The following PPARGC1B variants were observed in gnomAD, a reference collection of about 807,000 sequenced individuals.
The protein encoded by PPARGC1B is PPARG coactivator 1 beta.
In PPARGC1B, 34 loss-of-function variants were observed where a neutral mutation model predicts 101.6. That is an observed-to-expected ratio of 0.33 (90% confidence interval 0.25 to 0.45). PPARGC1B has a LOEUF of 0.45. Among genes scored for constraint, PPARGC1B ranks in the 20% least tolerant of loss-of-function variants. The probability of loss-of-function intolerance (pLI) is 1.00; values close to 1 mark genes in which losing one functional copy is unlikely to be tolerated. For missense variants in PPARGC1B, 1,234 were observed against 1,317.6 expected, an observed-to-expected ratio of 0.94 and a Z score of 0.98; for synonymous variants, 548 against 539.3, an observed-to-expected ratio of 1.02 and a Z score of -0.22.
Position 149,836,515 on chromosome 5 carries a change from G to C in PPARGC1B, c.2060G>C (p.Cys687Ser). The change falls in exon 8 of 12, where the codon TGT (cysteine) becomes TCT (serine). Residue 687 changes from cysteine (C) to serine (S), a missense_variant. This residue lies in a region of PPARGC1B where 497 missense variants were observed against 529.5 expected (regional missense o/e 0.94). Coordinates refer to ENST00000309241, the MANE Select transcript of PPARGC1B (RefSeq NM_133263.4). ...SQAGQKRPFS[C>S]SFGDHDYCQV... ...GCTGGCCAGAAGCGTCCCTTCTCCT[G>C]TTCCTTTGGAGACCATGACTACTGC... 6.2e-7 allele frequency: 1 copy of C among 1,614,070 alleles called. No individual in the cohort carries two copies. Among genetic ancestry groups the C allele is most frequent in the Non-Finnish European group, 8.5e-7 (1 of 1,180,048 alleles).
intron 1 of PPARGC1B, among the ~76,000 whole-genome samples, chr5:149,819,939 C>T (rs1168295815): frequency 1.3e-5 from 2 of 152,190 alleles, no homozygotes; most frequent in African/African-American, 4.8e-5. Flanking sequence ...TTAGACATTA[C>T]ATATATTCCT....
chr5:149,759,197 G>A (rs1349619413), intron 1 of PPARGC1B, among the ~76,000 whole-genome samples: 1 of 152,100 alleles, frequency 6.6e-6, no homozygotes, highest in African/African-American at 2.4e-5. Context: ...GTTTAAAGAA[G>A]GTTTTTTCCA....
At chr5:149,810,127 C>A (rs1459903081) in intron 1 of PPARGC1B, among the ~76,000 whole-genome samples, 1 of 152,216 alleles carries the variant, frequency 6.6e-6, no homozygotes, top group African/African-American at 2.4e-5. Flanking sequence ...AGCCTAACAA[C>A]ATGTACCTGT....
rs1218266661 is a variant in PPARGC1B at position 149,836,368 on chromosome 5, C to T, written c.1913C>T (p.Ser638Phe). The change falls in exon 8 of 12, where the codon TCC becomes TTC. Residue 638 changes from serine to phenylalanine, a missense_variant. Transcript: ENST00000309241. Reference protein sequence around the residue: ...LGKEIALSLPSPEGLSLKATP... With the variant: ...LGKEIALSLPFPEGLSLKATP... The stretch of plus-strand genomic sequence containing the variant: ...AAAGAAATAGCTCTCAGCCTCCCCT[C>T]CCCTGAGGGCCTCTCACTCAAGGCC... 6.8e-6 allele frequency: 11 copies of T among 1,614,140 alleles called. No individual in the cohort carries two copies. The highest frequency in any genetic ancestry group is 1.3e-5 in the African/African-American group (1 of 75,046).
chr5:149,766,359 G>A (rs971639861), intron 1 of PPARGC1B, among the ~76,000 whole-genome samples: 7 of 152,286 alleles, frequency 4.6e-5, no homozygotes, highest in African/African-American at 1.2e-4. Flanking sequence ...TAAAGGTATC[G>A]CTTATTAAGG....
In PPARGC1B at chr5:149,833,594, C is replaced by T; in HGVS notation, c.1521C>T (p.Pro507=). The part of the protein sequence containing the change: ...LVPSEPQGAL[P]SLCLAPKAYD... Reference sequence around the variant, plus strand: ...CCTCGGAGCCCCAAGGTGCTCTGCCCTCACTGTGCCTGGCTCCCAAGGCCT... The same window carrying T: ...CCTCGGAGCCCCAAGGTGCTCTGCCTTCACTGTGCCTGGCTCCCAAGGCCT... Residue 507 remains proline, a synonymous_variant, in exon 5 of 12, where the codon CCC becomes CCT. Coordinates refer to ENST00000309241, the MANE Select transcript of PPARGC1B (RefSeq NM_133263.4). This position sits in a 1 kb window ranked among gnomAD's most constrained non-coding sequence, Gnocchi z 4.1. The T allele has an allele frequency of 1.2e-6, 2 of 1,605,512 alleles. No individual in the cohort carries two copies. The highest frequency in any genetic ancestry group is 1.7e-6 in the Non-Finnish European group (2 of 1,176,334).
At chr5:149,771,178 A>C (rs1180613060) in intron 1 of PPARGC1B, among the ~76,000 whole-genome samples, 1 of 152,168 alleles carries the variant, frequency 6.6e-6, no homozygotes, top group Non-Finnish European at 1.5e-5. Flanking sequence ...CTGCACCTGC[A>C]TTTCTAAGTG....
In PPARGC1B at chr5:149,765,855, C is replaced by T. The variant is rs1314132462; in HGVS notation, c.78+35435C>T. 2.7e-4 allele frequency among the ~76,000 whole-genome samples: 28 copies of T among 103,670 alleles called. No individual in the cohort carries two copies. The East Asian group carries it at 5.4e-3, about 20-fold the overall frequency. The allele number at this position is 103,670 out of a possible 152,430, so 68.0% of individuals were successfully genotyped here. A position where few individuals can be genotyped will look rare whatever the true frequency, so the allele number is the denominator to read the frequency against. On this transcript the variant is annotated intron_variant, in intron 1 of 11. Transcript: ENST00000309241. ...CAGCCTGGGTGACAGAGTGAGACTCCGTCTCAAAAAAAAAAAAAAAAAAAA... is the reference window on the plus strand; with the variant it reads ...CAGCCTGGGTGACAGAGTGAGACTCTGTCTCAAAAAAAAAAAAAAAAAAAA...
intron 1 of PPARGC1B, among the ~76,000 whole-genome samples, chr5:149,736,599 A>G (rs531591064): frequency 1.3e-5 from 2 of 152,282 alleles, no homozygotes; most frequent in African/African-American, 4.8e-5. Context: ...GTTTGTAACT[A>G]GATTCCTGCA....
rs145669017 is a variant in PPARGC1B, at chr5:149,820,521, C to T, written c.167C>T (p.Thr56Ile). ...GATGCCAGCGACTTTGACTCGGCCA[C>T]CTGCTTTGGGGAGCTGCAGTGGTGC... Reference protein sequence around the residue: ...QLDASDFDSATCFGELQWCPE... With the variant: ...QLDASDFDSAICFGELQWCPE... Residue 56 changes from threonine (T) to isoleucine (I), a missense_variant, in exon 2 of 12, where the codon ACC becomes ATC. By Grantham distance (89) the Thr-to-Ile change is moderately conservative. This residue lies in a region of PPARGC1B where 734 missense variants were observed against 768.4 expected (regional missense o/e 0.96). Transcript: ENST00000309241. The T allele has an allele frequency of 3.7e-5, 59 of 1,613,976 alleles. No homozygotes were observed. The highest frequency in any genetic ancestry group is 1.6e-4 in the Middle Eastern group (1 of 6,084).
intron 1 of PPARGC1B, among the ~76,000 whole-genome samples, chr5:149,776,715 G>A (rs1159296856): frequency 6.6e-6 from 1 of 152,216 alleles, no homozygotes; most frequent in Non-Finnish European, 1.5e-5. Flanking sequence ...TGTAACGGAG[G>A]CACTGTGGCC....
At chr5:149,836,165 A>G in intron 7 of PPARGC1B, 98 bp from the exon 8 acceptor site, 4 of 1,019,618 alleles carry the variant, frequency 3.9e-6, no homozygotes, top group South Asian at 1.7e-5. Flanking sequence ...TTGGGATTAT[A>G]GGTGTGAGCT....
intron 7 of PPARGC1B, among the ~76,000 whole-genome samples, chr5:149,836,031 C>G (rs1759057561): frequency 6.8e-6 from 1 of 147,348 alleles, no homozygotes; most frequent in East Asian, 2.0e-4. Context: ...GATCTTGGCT[C>G]ACTGCACCAA....
intron 1 of PPARGC1B, among the ~76,000 whole-genome samples, chr5:149,767,504 G>A (rs115318540): frequency 6.6e-6 from 1 of 152,334 alleles, no homozygotes; most frequent in African/African-American, 2.4e-5. Context: ...TGGGGTCTCA[G>A]AGTAAGCAGA....
At chr5:149,755,237 T>G (rs186437306) in intron 1 of PPARGC1B, among the ~76,000 whole-genome samples, 184 of 151,374 alleles carry the variant, frequency 1.2e-3, no homozygotes, top group African/African-American at 3.3e-3. Context: ...TTAAAAAAGT[T>G]TTTTTTTAAG....
chr5:149,820,314 T>C, intron 1 of PPARGC1B, 119 bp from the exon 2 acceptor site: 1 of 917,478 alleles, frequency 1.1e-6, no homozygotes, highest in Non-Finnish European at 1.7e-6. Flanking sequence ...TTCTTGGTCA[T>C]TTGGCAAAAT....
chr5:149,825,000 C>T (rs1376539161), intron 2 of PPARGC1B, among the ~76,000 whole-genome samples: 2 of 152,258 alleles, frequency 1.3e-5, no homozygotes, highest in African/African-American at 4.8e-5. Flanking sequence ...TTCAGATGAA[C>T]TTCCTGCAGA....
At position 149,730,530 on chromosome 5, in the gene PPARGC1B, G is replaced by T. The variant is rs565627932; in HGVS notation, c.78+110G>T. ...GCGGTGGGAGCCCTGGGGTAACTGG[G>T]GGTTCCAGGCTGCAGAGCCCCCCTT... On this transcript the variant is annotated intron_variant, in intron 1 of 11. Coordinates refer to ENST00000309241, the MANE Select transcript of PPARGC1B (RefSeq NM_133263.4). This position sits in a 1 kb window ranked among gnomAD's most constrained non-coding sequence, Gnocchi z 4.0. The T allele has an allele frequency of 9.2e-5, 79 of 854,086 alleles. No individual in the cohort carries two copies. The Middle Eastern group carries it at 1.4e-3, about 16-fold the overall frequency. 52.9% of individuals were successfully genotyped at this position (854,086 alleles called of 1,614,324 possible). A position where few individuals can be genotyped will look rare whatever the true frequency, so the allele number is the denominator to read the frequency against.
intron 1 of PPARGC1B, among the ~76,000 whole-genome samples, chr5:149,785,990 C>T (rs914309516): frequency 2.0e-5 from 3 of 150,562 alleles, no homozygotes; most frequent in Non-Finnish European, 4.4e-5. Flanking sequence ...GGTGTGATTG[C>T]TCACTGTAGC....
Sources: gnomAD v4.1 joint callset for allele counts (sites outside exome capture counted in the v4.1 genomes callset) on GRCh38, gnomAD v4.1.1 for gene constraint, gnomAD v4.1.1 regional missense constraint, Gnocchi (gnomAD v3.1) non-coding constraint, MANE v1.5 for transcripts, NCBI Gene and HGNC (gene_info 2026-07-23, HGNC 2026-07-21) for gene names.